Variants in CASKIN2 observed in about 807,000 individuals in gnomAD.
The protein encoded by CASKIN2 is CASK interacting protein 2, also known as caskin-2.
A neutral mutation model predicts 107.1 loss-of-function variants in CASKIN2; 41 were observed. The observed-to-expected ratio is 0.38, with a 90% CI of 0.30 to 0.50. The LOEUF (loss-of-function observed/expected upper bound fraction) is 0.50, where lower values mean the gene tolerates loss of function less well. Ranked by LOEUF, CASKIN2 falls within the 20% of genes least tolerant of loss-of-function variation. CASKIN2 has a pLI of 0.92. For missense variants in CASKIN2, 1,546 were observed against 1,657.4 expected (o/e 0.93, Z 1.17); for synonymous variants, 724 against 705.6 (o/e 1.03, Z -0.41).
At chr17:75,510,236 G>A (rs1292084640) in intron 2 of CASKIN2, among the ~76,000 whole-genome samples, 1 of 152,176 alleles carries the variant, frequency 6.6e-6, no homozygotes, top group Non-Finnish European at 1.5e-5. Context: ...AGCAGGGCCA[G>A]GGCAACTGTA....
intron 2 of CASKIN2, chr17:75,509,512 C>T (rs1181591757): frequency 1.1e-6 from 1 of 943,254 alleles, no homozygotes; most frequent in Non-Finnish European, 1.3e-6. Flanking sequence ...GACACTGTGC[C>T]ACAAAGGTAA....
At position 75,502,765 on chromosome 17, in the gene CASKIN2, G is replaced by A. The variant is rs773049277; in HGVS notation, c.2309C>T (p.Pro770Leu). 1.9e-6 allele frequency: 3 copies of A among 1,601,018 alleles called. No homozygotes were observed. The highest frequency in any genetic ancestry group is 2.6e-6 in the Non-Finnish European group (3 of 1,173,630). The change falls in exon 18 of 20, where the codon CCA becomes CTA. Residue 770 changes from proline (P) to leucine (L), a missense_variant. Transcript: ENST00000321617. This position sits in a 1 kb window ranked among gnomAD's most constrained non-coding sequence, Gnocchi z 4.3. ...GAAGGCCCAGGGTGCGCCAGGAGGT[G>A]GCCCTGGGGCCGGGCTAGAGGGTGA... is the stretch of plus-strand genomic sequence containing the variant. The part of the protein sequence containing the change: ...QGSPSSPAPG[P>L]PPGAPWAFSY...
intron 2 of CASKIN2, among the ~76,000 whole-genome samples, chr17:75,513,086 A>C (rs1443264500): frequency 1.3e-5 from 2 of 152,146 alleles, no homozygotes; most frequent in Non-Finnish European, 2.9e-5. Context: ...GCTAGAAGGC[A>C]ACTCCACGAA....
In CASKIN2 at chr17:75,506,386, G is replaced by A. The variant is rs759445740; in HGVS notation, c.645C>T (p.Ile215=). Residue 215 remains isoleucine (I), a synonymous_variant, in exon 8 of 20, where the codon ATC becomes ATT. Coordinates refer to ENST00000321617, the MANE Select transcript of CASKIN2 (RefSeq NM_020753.5). The surrounding 1 kb of genome is among the most constrained non-coding windows in gnomAD (Gnocchi z 4.8). ...CCGTACCCGTCTTGGTCTGGCGGTT[G>A]ATCTCGATCCCAGCTCTCAGGAGCT... ...IRQLLRAGIE[I]NRQTKTGTAL... 10 of 1,611,164 alleles carry A rather than the reference G, an allele frequency of 6.2e-6. No homozygotes were observed. The highest frequency in any genetic ancestry group is 2.2e-5 in the East Asian group (1 of 44,852).
intron 16 of CASKIN2, 22 bp downstream of exon 16, chr17:75,503,637 C>T (rs1189187516): frequency 1.2e-6 from 2 of 1,609,992 alleles, no homozygotes; most frequent in Admixed American, 1.7e-5. Flanking sequence ...GCCCCACTCC[C>T]CAGCCACCCT....
rs748464025 is a variant in CASKIN2, at chr17:75,504,833, C to A, written c.1171G>T (p.Gly391Cys). 2 of 1,611,154 alleles carry A rather than the reference C, an allele frequency of 1.2e-6. No individual in the cohort carries two copies. The highest frequency in any genetic ancestry group is 1.7e-6 in the Non-Finnish European group (2 of 1,179,294). Residue 391 changes from glycine to cysteine, a missense_variant, in exon 11 of 20, where the codon GGC becomes TGC. Gly to Cys is a radical substitution (Grantham distance 159). Transcript: ENST00000321617. ...PLTYSQLPRV[G>C]LSPDSPAGDR... is the part of the protein sequence containing the mutation. ...GTACCTGGGCTGTCTGGGCTGAGGCCCACCCGAGGAAGCTGGCTGTAGGTA... is the reference window on the plus strand; with the variant it reads ...GTACCTGGGCTGTCTGGGCTGAGGCACACCCGAGGAAGCTGGCTGTAGGTA...
At chr17:75,512,997 G>A (rs2053327369) in intron 2 of CASKIN2, among the ~76,000 whole-genome samples, 1 of 152,122 alleles carries the variant, frequency 6.6e-6, no homozygotes, top group South Asian at 2.1e-4. Flanking sequence ...GGGTAGGGAT[G>A]AAGTTCTATC....
chr17:75,508,010 C>T (rs1396461850), intron 3 of CASKIN2, among the ~76,000 whole-genome samples: 1 of 152,118 alleles, frequency 6.6e-6, no homozygotes, highest in African/African-American at 2.4e-5. Flanking sequence ...TGCGGAGAGG[C>T]ACCAGGGCCC....
Position 75,505,046 on chromosome 17 carries a change from A to G in CASKIN2, c.958T>C (p.Trp320Arg). The change falls in exon 11 of 20, where the codon TGG becomes CGG. Residue 320 changes from tryptophan to arginine, a missense_variant. Trp to Arg is a moderately radical substitution (Grantham distance 101). Around this residue, in one of 6 missense-constraint regions of CASKIN2, gnomAD observed 1,311 missense variants for 1,311.0 expected, o/e 1.00. Coordinates refer to ENST00000321617, the MANE Select transcript of CASKIN2 (RefSeq NM_020753.5). This position sits in a 1 kb window ranked among gnomAD's most constrained non-coding sequence, Gnocchi z 5.1. ...TGGCTCTCGTGGATGTGGCCCTTCC[A>G]GCGGCCGTCGGGATGCTGTTCTAGC... The part of the protein sequence containing the change: ...TVLEQHPDGR[W>R]KGHIHESQRG... 2 of 1,416,272 alleles carry G rather than the reference A, an allele frequency of 1.4e-6. No homozygotes were observed. Among genetic ancestry groups the G allele is most frequent in the Non-Finnish European group, 1.9e-6 (2 of 1,058,370 alleles). The allele number at this position is 1,416,272 out of a possible 1,614,324, so 87.7% of individuals were successfully genotyped here. A position where few individuals can be genotyped will look rare whatever the true frequency, so the allele number is the denominator to read the frequency against.
At position 75,513,930 on chromosome 17, in the gene CASKIN2, C is replaced by T; in HGVS notation, c.-126G>A. ...GGCTCCCGGTTCCGGGGGAGCAAGT[C>T]AGGTGTCCCAGGCAGTGGGCTCCTC... On this transcript the variant is annotated 5_prime_UTR_variant, in exon 2 of 20. Transcript: ENST00000321617. 1 of 780,204 alleles carries T rather than the reference C, an allele frequency of 1.3e-6. No homozygotes were observed. The highest frequency in any genetic ancestry group is 2.1e-6 in the Non-Finnish European group (1 of 472,408). The allele number at this position is 780,204 out of a possible 1,614,324, so 48.3% of individuals were successfully genotyped here.
rs1247266202 is a variant in CASKIN2 at position 75,502,552 on chromosome 17, G to C, written c.2522C>G (p.Thr841Ser). 1 of 1,562,072 alleles carries C rather than the reference G, an allele frequency of 6.4e-7. No homozygotes were observed. Among genetic ancestry groups the C allele is most frequent in the East Asian group, 2.3e-5 (1 of 43,064 alleles). ...TGGGGTTGGGGTCACACTAGGACTG[G>C]TCCGGACAAGGGCACTGCGTCCTGG... ...RRPGRSALVRTSPSVTPTPAR... is the reference protein window; with the variant it reads ...RRPGRSALVRSSPSVTPTPAR... Residue 841 changes from threonine to serine, a missense_variant, in exon 18 of 20, where the codon ACC becomes AGC. Around this residue, in one of 6 missense-constraint regions of CASKIN2, gnomAD observed 1,311 missense variants for 1,311.0 expected, o/e 1.00. Coordinates refer to ENST00000321617, the MANE Select transcript of CASKIN2 (RefSeq NM_020753.5). The surrounding 1 kb of genome is among the most constrained non-coding windows in gnomAD (Gnocchi z 4.3).
chr17:75,505,092 G>T lies in CASKIN2; in HGVS notation c.931-19C>A. On this transcript the variant is annotated intron_variant, in intron 10 of 19. Coordinates refer to ENST00000321617, the MANE Select transcript of CASKIN2 (RefSeq NM_020753.5). The surrounding 1 kb of genome is among the most constrained non-coding windows in gnomAD (Gnocchi z 5.1). ...CTAGCACCTGCGGCCAGGGGTGGGG[G>T]GCGGGGACGGTCACTCCCAGCACCA... 1 of 1,373,376 alleles carries T rather than the reference G, an allele frequency of 7.3e-7. No individual in the cohort carries two copies. The allele number at this position is 1,373,376 out of a possible 1,614,324, so 85.1% of individuals were successfully genotyped here. A position where few individuals can be genotyped will look rare whatever the true frequency, so the allele number is the denominator to read the frequency against.
In CASKIN2 at chr17:75,505,688, G is replaced by C; in HGVS notation, c.836-37C>G. Reference sequence around the variant, plus strand: ...GGGTGGGGGACAGGTGTCATCTAAGGGTCCTTAGGGCATCTTCCCACCCCT... The same window carrying C: ...GGGTGGGGGACAGGTGTCATCTAAGCGTCCTTAGGGCATCTTCCCACCCCT... On this transcript the variant is annotated intron_variant, in intron 9 of 19. Transcript: ENST00000321617. This position sits in a 1 kb window ranked among gnomAD's most constrained non-coding sequence, Gnocchi z 5.1. The C allele has an allele frequency of 6.3e-7, 1 of 1,590,252 alleles. No homozygotes were observed. The highest frequency in any genetic ancestry group is 8.6e-7 in the Non-Finnish European group (1 of 1,161,786).
In CASKIN2 at chr17:75,502,566, A is replaced by G; in HGVS notation, c.2508T>C (p.Ser836=). The G allele has an allele frequency of 1.3e-6, 2 of 1,578,784 alleles. No individual in the cohort carries two copies. The highest frequency in any genetic ancestry group is 1.7e-6 in the Non-Finnish European group (2 of 1,160,332). ...YATLTRRPGR[S]ALVRTSPSVT... Reference sequence around the variant, plus strand: ...CACTAGGACTGGTCCGGACAAGGGCACTGCGTCCTGGCCGCCGGGTAAGGG... The same window carrying G: ...CACTAGGACTGGTCCGGACAAGGGCGCTGCGTCCTGGCCGCCGGGTAAGGG... Residue 836 remains serine (S), a synonymous_variant, in exon 18 of 20, where the codon AGT becomes AGC. Coordinates refer to ENST00000321617, the MANE Select transcript of CASKIN2 (RefSeq NM_020753.5). The surrounding 1 kb of genome is among the most constrained non-coding windows in gnomAD (Gnocchi z 4.3).
At position 75,503,103 on chromosome 17, in the gene CASKIN2, T is replaced by C. The variant is rs780758762; in HGVS notation, c.1971A>G (p.Pro657=). ...AIEGLENGEG[P]ATAGPRLLTF... is the part of the protein sequence containing the mutation. ...TGAGGAGCCGTGGGCCAGCTGTAGC[T>C]GGGCCTTCTCCGTTCTCCAGTCCCT... The change falls in exon 18 of 20, where the codon CCA becomes CCG. Residue 657 remains proline (P), a synonymous_variant. Coordinates refer to ENST00000321617, the MANE Select transcript of CASKIN2 (RefSeq NM_020753.5). 2 of 1,607,586 alleles carry C rather than the reference T, an allele frequency of 1.2e-6. No homozygotes were observed. The highest frequency in any genetic ancestry group is 1.3e-5 in the African/African-American group (1 of 74,854).
At position 75,506,280 on chromosome 17, in the gene CASKIN2, C is replaced by G; in HGVS notation, c.726+25G>C. ...AGGGCAGAGGCTCCATGGACACCTG[C>G]GAGGGAGCAGGGGCCCATACCCACC... is the stretch of plus-strand genomic sequence containing the variant. On this transcript the variant is annotated intron_variant, in intron 8 of 19. Transcript: ENST00000321617. The surrounding 1 kb of genome is among the most constrained non-coding windows in gnomAD (Gnocchi z 4.8). 3.2e-6 allele frequency: 5 copies of G among 1,578,826 alleles called. No individual in the cohort carries two copies. Among genetic ancestry groups the G allele is most frequent in the Non-Finnish European group, 4.3e-6 (5 of 1,152,770 alleles).
rs906466929 is a variant in CASKIN2 at position 75,502,081 on chromosome 17, T to C, written c.2993A>G (p.Glu998Gly). The C allele has an allele frequency of 9.3e-6, 15 of 1,610,626 alleles. No homozygotes were observed. Among genetic ancestry groups the C allele is most frequent in the African/African-American group, 1.3e-5 (1 of 74,744 alleles). ...CAGTGCGGTCTGCAGTGGCTCTCTCTCCCGGCACTTGGGCCTCCGCTTAAC... is the reference window on the plus strand; with the variant it reads ...CAGTGCGGTCTGCAGTGGCTCTCTCCCCCGGCACTTGGGCCTCCGCTTAAC... Reference protein sequence around the residue: ...DTVKRRPKCREREPLQTALLA... With the variant: ...DTVKRRPKCRGREPLQTALLA... The change falls in exon 18 of 20, where the codon GAG (glutamate) becomes GGG (glycine). Residue 998 changes from glutamate (E) to glycine (G), a missense_variant. Glu to Gly is a moderately conservative substitution (Grantham distance 98). Around this residue, in one of 6 missense-constraint regions of CASKIN2, gnomAD observed 1,311 missense variants for 1,311.0 expected, o/e 1.00. Transcript: ENST00000321617. This position sits in a 1 kb window ranked among gnomAD's most constrained non-coding sequence, Gnocchi z 4.3.
In CASKIN2 at chr17:75,505,140, C is replaced by T; in HGVS notation, c.931-67G>A. On this transcript the variant is annotated intron_variant, in intron 10 of 19. Coordinates refer to ENST00000321617, the MANE Select transcript of CASKIN2 (RefSeq NM_020753.5). This position sits in a 1 kb window ranked among gnomAD's most constrained non-coding sequence, Gnocchi z 5.1. The stretch of plus-strand genomic sequence containing the variant: ...CCAGGCAAGTGGCAAACGGTTGTCC[C>T]TGCAGCTGCGGTCCGGCAACCCTGG... The T allele has an allele frequency of 6.4e-7, 1 of 1,555,964 alleles. No homozygotes were observed. Among genetic ancestry groups the T allele is most frequent in the South Asian group, 1.1e-5 (1 of 89,198 alleles).
Position 75,502,931 on chromosome 17 carries a change from G to T in CASKIN2, c.2143C>A (p.Pro715Thr), listed in dbSNP as rs2053218904. 2 of 1,568,472 alleles carry T rather than the reference G, an allele frequency of 1.3e-6. No individual in the cohort carries two copies. Among genetic ancestry groups the T allele is most frequent in the Non-Finnish European group, 1.7e-6 (2 of 1,156,044 alleles). ...SRGSGHSQEQ[P>T]APQPSGGDPS... ...TCTCCACCGCTGGGCTGTGGGGCAG[G>T]CTGTTCCTGTGAGTGGCCAGACCCC... Residue 715 changes from proline (P) to threonine (T), a missense_variant, in exon 18 of 20, where the codon CCT becomes ACT. By Grantham distance (38) the Pro-to-Thr change is conservative. This residue lies in a region of CASKIN2 where 1,311 missense variants were observed against 1,311.0 expected (regional missense o/e 1.00). Coordinates refer to ENST00000321617, the MANE Select transcript of CASKIN2 (RefSeq NM_020753.5). This position sits in a 1 kb window ranked among gnomAD's most constrained non-coding sequence, Gnocchi z 4.3.
Sources: gnomAD v4.1 joint callset for allele counts (sites outside exome capture counted in the v4.1 genomes callset) on GRCh38, gnomAD v4.1.1 for gene constraint, gnomAD v4.1.1 regional missense constraint, Gnocchi (gnomAD v3.1) non-coding constraint, MANE v1.5 for transcripts, NCBI Gene and HGNC (gene_info 2026-07-23, HGNC 2026-07-21) for gene names.